NSMCE4A: variants seen among roughly 807,000 people sequenced by gnomAD.
NSMCE4A encodes non-structural maintenance of chromosomes element 4 homolog A.
Under a neutral mutation model 47.9 loss-of-function variants are expected in NSMCE4A, and 40 were observed. That is an observed-to-expected ratio of 0.83 (90% CI 0.65 to 1.09). The LOEUF (loss-of-function observed/expected upper bound fraction) is 1.09, where lower values mean the gene tolerates loss of function less well. Ranked by LOEUF, NSMCE4A falls within the 50% of genes least tolerant of loss-of-function variation. The probability of loss-of-function intolerance (pLI) is 0.00; values close to 1 mark genes in which losing one functional copy is unlikely to be tolerated. For synonymous variants in NSMCE4A, 166 were observed against 178.5 expected (o/e 0.93, Z 0.56); for missense variants, 500 against 507.0 (o/e 0.99, Z 0.13).
In NSMCE4A at chr10:121,965,181, TCCAGACCCGCACA is replaced by T. The variant is rs1952583184; in HGVS notation, c.753+92_753+104del. ...GATTATTTAAGTGACAAAACCTGGCTCCAGACCCGCACACTTAGAAAAAATGGCCAAATTGCAT... is the reference window on the plus strand; with the variant it reads ...GATTATTTAAGTGACAAAACCTGGCTCTTAGAAAAAATGGCCAAATTGCAT... On this transcript the variant is annotated intron_variant, in intron 5 of 10. Transcript: ENST00000369023. 7.5e-6 allele frequency: 5 copies of T among 664,684 alleles called. No individual in the cohort carries two copies. The South Asian group carries it at 9.9e-5, about 13-fold the overall frequency. 41.2% of individuals were successfully genotyped at this position (664,684 alleles called of 1,614,324 possible).
At chr10:121,967,529 A>G (rs1952629176) in intron 4 of NSMCE4A, 126 bp downstream of exon 4, 1 of 1,071,364 alleles carries the variant, frequency 9.3e-7, no homozygotes, top group Admixed American at 2.6e-5. Flanking sequence ...TCAAAGTTTC[A>G]AAAGTCTCCA....
At chr10:121,963,690 C>G (rs1952546211) in intron 5 of NSMCE4A, among the ~76,000 whole-genome samples, 1 of 151,932 alleles carries the variant, frequency 6.6e-6, no homozygotes, top group African/African-American at 2.4e-5. Context: ...ACCATCCTGG[C>G]TAACACGGTG....
rs766450341 is a variant in NSMCE4A, at chr10:121,960,364, C to G, written c.982G>C (p.Val328Leu). 1.3e-5 allele frequency: 20 copies of G among 1,493,712 alleles called. No individual in the cohort carries two copies. The highest frequency in any genetic ancestry group is 1.8e-5 in the Non-Finnish European group (20 of 1,133,262). The allele number at this position is 1,493,712 out of a possible 1,614,324, so 92.5% of individuals were successfully genotyped here. Reference sequence around the variant, plus strand: ...CAAACATAGTATCATTTACCTATTACTGGCAGTCGGTCTTGGTCAAGTCTT... The same window carrying G: ...CAAACATAGTATCATTTACCTATTAGTGGCAGTCGGTCTTGGTCAAGTCTT... ...RIRLDQDRLP[V>L]IEPVSINEEN... Residue 328 changes from valine (V) to leucine (L), a missense_variant, in exon 8 of 11, where the codon GTA (valine) becomes CTA (leucine). Physicochemically the swap from Val to Leu is conservative, Grantham distance 32. Coordinates refer to ENST00000369023, the MANE Select transcript of NSMCE4A (RefSeq NM_017615.3). The surrounding 1 kb of genome is among the most constrained non-coding windows in gnomAD (Gnocchi z 4.2).
chr10:121,963,741 G>T (rs1952547172), intron 5 of NSMCE4A, among the ~76,000 whole-genome samples: 1 of 152,080 alleles, frequency 6.6e-6, no homozygotes, highest in Non-Finnish European at 1.5e-5. Context: ...TTAGCCAGGT[G>T]TGGTGACAGG....
At chr10:121,970,054 A>G (rs1316232167) in intron 3 of NSMCE4A, among the ~76,000 whole-genome samples, 1 of 152,230 alleles carries the variant, frequency 6.6e-6, no homozygotes, top group Non-Finnish European at 1.5e-5. Flanking sequence ...AGTGAGATAC[A>G]AGGTCAGTCT....
At chr10:121,974,210 T>C in intron 1 of NSMCE4A, 129 bp from the exon 2 acceptor site, 1 of 1,378,676 alleles carries the variant, frequency 7.3e-7, no homozygotes, top group Non-Finnish European at 9.7e-7. Flanking sequence ...TTCGAACATC[T>C]TTATCTTTTT....
chr10:121,966,491 A>C (rs1952609161), intron 4 of NSMCE4A: 1 of 152,236 alleles, frequency 6.6e-6, no homozygotes, highest in African/African-American at 2.4e-5. Context: ...CTTTATCCTA[A>C]GATGAAGAAG....
intron 4 of NSMCE4A, chr10:121,966,829 C>G (rs1409269143): frequency 1.3e-5 from 2 of 152,150 alleles, no homozygotes; most frequent in Non-Finnish European, 2.9e-5. Context: ...TCCATAGGAC[C>G]ATGCCAGGAA....
At chr10:121,959,781 A>G in intron 8 of NSMCE4A, 186 bp from the exon 9 acceptor site, 1 of 593,718 alleles carries the variant, frequency 1.7e-6, no homozygotes, top group South Asian at 2.1e-5. Flanking sequence ...CAGTCATTCC[A>G]TCTGTTTCCA....
intron 2 of NSMCE4A, among the ~76,000 whole-genome samples, chr10:121,972,339 C>A (rs577703446): frequency 8.7e-6 from 1 of 114,370 alleles, no homozygotes; most frequent in African/African-American, 2.7e-5. Flanking sequence ...TTTTCATACT[C>A]TCTGTTGCCT....
Position 121,960,464 on chromosome 10 carries a change from C to T in NSMCE4A, c.940-58G>A. ...AACATTTAAGACTCAAACCTATACG[C>T]ACTAGATGGAAAAAATTACTCAGAA... On this transcript the variant is annotated intron_variant, in intron 7 of 10. Transcript: ENST00000369023. This position sits in a 1 kb window ranked among gnomAD's most constrained non-coding sequence, Gnocchi z 4.2. The T allele has an allele frequency of 7.9e-7, 1 of 1,259,404 alleles. No individual in the cohort carries two copies. The highest frequency in any genetic ancestry group is 1.6e-5 in the South Asian group (1 of 62,960). 78.0% of individuals were successfully genotyped at this position (1,259,404 alleles called of 1,614,324 possible).
At chr10:121,964,548 T>G (rs1952568904) in intron 5 of NSMCE4A, among the ~76,000 whole-genome samples, 1 of 152,088 alleles carries the variant, frequency 6.6e-6, no homozygotes, top group Admixed American at 6.6e-5. Flanking sequence ...GATTCCTAAT[T>G]CTCCTGCGTC....
chr10:121,964,143 C>CTT (rs1244382975), intron 5 of NSMCE4A, among the ~76,000 whole-genome samples: 29 of 127,460 alleles, frequency 2.3e-4, no homozygotes, highest in African/African-American at 3.9e-4. Flanking sequence ...GTTTCAGTAA[C>CTT]TTTTTTTTTT....
chr10:121,971,002 C>G lies in NSMCE4A; in HGVS notation c.438G>C (p.Glu146Asp). The G allele has an allele frequency of 6.2e-7, 1 of 1,614,102 alleles. No individual in the cohort carries two copies. The highest frequency in any genetic ancestry group is 8.5e-7 in the Non-Finnish European group (1 of 1,179,986). Residue 146 changes from glutamate to aspartate, a missense_variant, in exon 3 of 11, where the codon GAG (glutamate) becomes GAC (aspartate). Transcript: ENST00000369023. ...FLVLASDLGK[E>D]KAKQLRSDLS... is the part of the protein sequence containing the mutation. ...GGTCTGAGCGCAGCTGCTTTGCTTT[C>G]TCTTTGCCCAAATCTGAAGCCAAAA...
chr10:121,974,420 C>G (rs1952776221), intron 1 of NSMCE4A: 20 of 1,029,922 alleles, frequency 1.9e-5, no homozygotes, highest in Non-Finnish European at 2.1e-5. Context: ...CACAGTTGCG[C>G]GGACCCACCC....
chr10:121,962,890 G>A (rs747724068), intron 6 of NSMCE4A, among the ~76,000 whole-genome samples: 34 of 151,998 alleles, frequency 2.2e-4, no homozygotes, highest in Non-Finnish European at 3.1e-4. Flanking sequence ...CACCACGCCC[G>A]GCCAAAACAA....
chr10:121,962,619 CTT>C (rs10656394), intron 6 of NSMCE4A, among the ~76,000 whole-genome samples: 2 of 148,414 alleles, frequency 1.3e-5, no homozygotes, highest in Non-Finnish European at 3.0e-5. Context: ...AAAAAACAAA[CTT>C]TTTTTTTTCA....
intron 3 of NSMCE4A, among the ~76,000 whole-genome samples, chr10:121,968,437 G>A (rs980757942): frequency 1.6e-4 from 24 of 152,256 alleles, no homozygotes; most frequent in African/African-American, 5.3e-4. Flanking sequence ...AGGAAGTTCA[G>A]CTGGTTTTCA....
chr10:121,973,547 A>G (rs1952758685), intron 2 of NSMCE4A, among the ~76,000 whole-genome samples: 1 of 152,208 alleles, frequency 6.6e-6, no homozygotes, highest in African/African-American at 2.4e-5. Flanking sequence ...CAGCAGGTAC[A>G]CTTGCAGGCT....
Sources: allele counts gnomAD v4.1 joint callset (sites outside exome capture counted in the v4.1 genomes callset), GRCh38; gene constraint gnomAD v4.1.1; non-coding constraint Gnocchi (gnomAD v3.1); transcripts MANE v1.5; gene names NCBI Gene and HGNC (gene_info 2026-07-23, HGNC 2026-07-21).